Variants in TTC28 observed in about 807,000 individuals in gnomAD.
TTC28 encodes the protein tetratricopeptide repeat protein 28.
In TTC28, 61 loss-of-function variants were observed where a neutral mutation model predicts 198.0. That is an observed-to-expected ratio of 0.31 (90% CI 0.25 to 0.38). The LOEUF is 0.38. TTC28 is among the 10% of genes least tolerant of loss of function. The pLI is 1.00. For synonymous variants in TTC28, 1,171 were observed against 1,297.8 expected (o/e 0.90, Z 2.10); for missense variants, 2,678 against 3,164.0 (o/e 0.85, Z 3.69).
Position 27,996,258 on chromosome 22 carries a change from C to A in TTC28, c.5121G>T (p.Gly1707=), listed in dbSNP as rs1004337212. The change falls in exon 17 of 23, where the codon GGG becomes GGT. Residue 1707 remains glycine, a splice_region_variant and synonymous_variant. Coordinates refer to ENST00000397906, the MANE Select transcript of TTC28 (RefSeq NM_001145418.2). Reference sequence around the variant, plus strand: ...TAACGTCACTCCCGATGAGCATGAACCCTGCAGAAAGCAAAGGAGGGCACC... The same window carrying A: ...TAACGTCACTCCCGATGAGCATGAAACCTGCAGAAAGCAAAGGAGGGCACC... The part of the protein sequence containing the change: ...KAFSHPSNWA[G]FMLIGSDVKL... 6.4e-7 allele frequency: 1 copy of A among 1,550,790 alleles called. No individual in the cohort carries two copies. The highest frequency in any genetic ancestry group is 2.0e-5 in the Admixed American group (1 of 51,000).
chr22:28,594,957 A>C (rs1370734378), intron 2 of TTC28, among the ~76,000 whole-genome samples: 1 of 152,188 alleles, frequency 6.6e-6, no homozygotes, highest in Non-Finnish European at 1.5e-5. Flanking sequence ...CTGAGAAAAT[A>C]ATATCAGAGT....
At chr22:28,170,501 A>AG (rs1366841792) in intron 5 of TTC28, among the ~76,000 whole-genome samples, 1 of 151,922 alleles carries the variant, frequency 6.6e-6, no homozygotes, top group African/African-American at 2.4e-5. Context: ...AAAAAAAAAA[A>AG]AAGAAAAAAA....
At chr22:28,308,693 A>T (rs1019471455) in intron 2 of TTC28, among the ~76,000 whole-genome samples, 2 of 152,184 alleles carry the variant, frequency 1.3e-5, no homozygotes, top group African/African-American at 2.4e-5. Context: ...GTTTTCTTAG[A>T]ACGCTTACAA....
At chr22:28,310,385 T>A (rs2045235508) in intron 2 of TTC28, among the ~76,000 whole-genome samples, 1 of 152,354 alleles carries the variant, frequency 6.6e-6, no homozygotes, top group South Asian at 2.1e-4. Context: ...TGCTTTTTAC[T>A]AAATGGCATT....
At chr22:28,373,388 G>C (rs2046365590) in intron 2 of TTC28, among the ~76,000 whole-genome samples, 1 of 152,078 alleles carries the variant, frequency 6.6e-6, no homozygotes, top group Admixed American at 6.6e-5. Context: ...CAAATCAAGG[G>C]GAATATGCTA....
At chr22:28,234,148 C>T (rs13056121) in intron 5 of TTC28, among the ~76,000 whole-genome samples, 7,865 of 151,852 alleles carry the variant, frequency 0.052, 278 homozygotes, top group African/African-American at 0.095. Context: ...CCTCGTGATC[C>T]GCCGGCCTCG....
At chr22:28,277,730 G>A (rs1457211425) in intron 5 of TTC28, among the ~76,000 whole-genome samples, 1 of 152,104 alleles carries the variant, frequency 6.6e-6, no homozygotes, top group East Asian at 1.9e-4. Flanking sequence ...GCTGTGTAAT[G>A]TTATGAAAAA....
intron 2 of TTC28, among the ~76,000 whole-genome samples, chr22:28,468,827 G>A (rs921572211): frequency 6.6e-5 from 10 of 150,722 alleles, no homozygotes; most frequent in South Asian, 2.1e-4. Flanking sequence ...ATGAGCCACC[G>A]CGCCTGGCCC....
chr22:28,511,032 T>G (rs142193366), intron 2 of TTC28, among the ~76,000 whole-genome samples: 164 of 152,266 alleles, frequency 1.1e-3, no homozygotes, highest in Non-Finnish European at 1.9e-3. Context: ...GGAAAACATT[T>G]CATGCTCATG....
At chr22:28,015,666 T>A (rs1938340663) in intron 13 of TTC28, among the ~76,000 whole-genome samples, 1 of 151,764 alleles carries the variant, frequency 6.6e-6, no homozygotes, top group South Asian at 2.1e-4. Flanking sequence ...GCTCAAGCAA[T>A]CCTCCCACCT....
chr22:28,359,754 C>T (rs903454784), intron 2 of TTC28, among the ~76,000 whole-genome samples: 1 of 152,100 alleles, frequency 6.6e-6, no homozygotes, highest in Admixed American at 6.6e-5. Context: ...ATAGGCTACC[C>T]TACTGGGCAT....
intron 5 of TTC28, among the ~76,000 whole-genome samples, chr22:28,245,215 G>A (rs1929992764): frequency 1.3e-5 from 2 of 152,094 alleles, no homozygotes; most frequent in African/African-American, 4.8e-5. Flanking sequence ...TTATTTAACG[G>A]ATGCATGAAA....
Position 28,211,043 on chromosome 22 carries a change from T to G in TTC28, c.934-47444A>C, listed in dbSNP as rs371786423. Among the ~76,000 whole-genome samples, 188 of 152,128 alleles carry G rather than the reference T, an allele frequency of 1.2e-3. 1 individual carries two copies. Among genetic ancestry groups the G allele is most frequent in the African/African-American group, 3.5e-3 (147 of 41,510 alleles). ...TATCCAGCCAAACTAAGCTTCATAA[T>G]TGAAGGAGAAATAAAATCCTTTACA... On this transcript the variant is annotated intron_variant, in intron 5 of 22. Coordinates refer to ENST00000397906, the MANE Select transcript of TTC28 (RefSeq NM_001145418.2).
intron 2 of TTC28, among the ~76,000 whole-genome samples, chr22:28,407,526 A>C (rs561200475): frequency 3.5e-4 from 53 of 152,148 alleles, no homozygotes; most frequent in Middle Eastern, 3.2e-3. Context: ...TTTAGTGTTT[A>C]GATTACACAG....
intron 8 of TTC28, among the ~76,000 whole-genome samples, 172 bp downstream of exon 8, chr22:28,105,107 C>T (rs1459316961): frequency 1.3e-5 from 2 of 152,102 alleles, no homozygotes; most frequent in Non-Finnish European, 2.9e-5. Context: ...TCAACGGACA[C>T]CTGGTGGGGA....
intron 2 of TTC28, among the ~76,000 whole-genome samples, chr22:28,386,426 G>A (rs1322036870): frequency 6.6e-6 from 1 of 151,768 alleles, no homozygotes; most frequent in Non-Finnish European, 1.5e-5. Context: ...ATCTTATTCA[G>A]CAATTAGTAC....
intron 12 of TTC28, among the ~76,000 whole-genome samples, chr22:28,082,034 T>C (rs947103972): frequency 6.6e-6 from 1 of 152,244 alleles, no homozygotes; most frequent in South Asian, 2.1e-4. Context: ...GGGATTGTTT[T>C]CTGAATTTCC....
At chr22:28,618,624 G>A (rs2050940953) in intron 2 of TTC28, among the ~76,000 whole-genome samples, 1 of 150,730 alleles carries the variant, frequency 6.6e-6, no homozygotes, top group Non-Finnish European at 1.5e-5. Flanking sequence ...ACAGGTTGCA[G>A]TGAGCTGAGA....
intron 5 of TTC28, among the ~76,000 whole-genome samples, chr22:28,244,486 C>T (rs1410503953): frequency 2.0e-5 from 3 of 152,134 alleles, no homozygotes; most frequent in Non-Finnish European, 2.9e-5. Context: ...AAGGAAAAAA[C>T]TCAAGAAAAC....
Sources: allele counts gnomAD v4.1 joint callset (sites outside exome capture counted in the v4.1 genomes callset), GRCh38; gene constraint gnomAD v4.1.1; transcripts MANE v1.5; gene names NCBI Gene and HGNC (gene_info 2026-07-23, HGNC 2026-07-21).